LIN9: variants seen among roughly 807,000 people sequenced by gnomAD.
LIN9 encodes the protein protein lin-9 homolog.
LIN9 carries 18 observed loss-of-function variants against 78.0 expected under a neutral mutation model. That is an observed-to-expected ratio of 0.23 (90% CI 0.16 to 0.34). The LOEUF is 0.34. LIN9 is among the 10% of genes least tolerant of loss of function. The probability of loss-of-function intolerance (pLI) is 1.00; values close to 1 mark genes in which losing one functional copy is unlikely to be tolerated. For missense variants in LIN9, 451 were observed against 644.1 expected (o/e 0.70, Z 3.25); for synonymous variants, 192 against 215.2 (o/e 0.89, Z 0.94).
At chr1:226,245,479 G>A (rs1300440244) in intron 11 of LIN9, among the ~76,000 whole-genome samples, 1 of 151,806 alleles carries the variant, frequency 6.6e-6, no homozygotes, top group Non-Finnish European at 1.5e-5. Context: ...CTGGAGTTCA[G>A]CGGTACCATC....
At chr1:226,299,989 A>C (rs577226021) in intron 2 of LIN9, among the ~76,000 whole-genome samples, 10 of 149,752 alleles carry the variant, frequency 6.7e-5, no homozygotes, top group Admixed American at 4.7e-4. Context: ...CCCAGACTGG[A>C]GTGTGGTGGC....
At chr1:226,238,211 G>T (rs1035976461) in intron 12 of LIN9, among the ~76,000 whole-genome samples, 5 of 152,040 alleles carry the variant, frequency 3.3e-5, no homozygotes, top group African/African-American at 1.2e-4. Context: ...CTAATTTAAG[G>T]TTTAAAAGAG....
chr1:226,246,354 T>C (rs1170343613), intron 11 of LIN9, among the ~76,000 whole-genome samples: 3 of 152,164 alleles, frequency 2.0e-5, no homozygotes, highest in Non-Finnish European at 2.9e-5. Flanking sequence ...TTATCTTCTG[T>C]CTTCTATTGT....
At chr1:226,246,494 G>A (rs1333198185) in intron 11 of LIN9, among the ~76,000 whole-genome samples, 5 of 151,806 alleles carry the variant, frequency 3.3e-5, no homozygotes, top group East Asian at 1.9e-4. Flanking sequence ...TTAAGATAAC[G>A]TGCCTAGGTC....
intron 10 of LIN9, among the ~76,000 whole-genome samples, chr1:226,254,762 T>C (rs1659075020): frequency 6.6e-6 from 1 of 151,632 alleles, no homozygotes; most frequent in Admixed American, 6.6e-5. Context: ...ATACAAAAAA[T>C]TAGCCGGGCG....
upstream of LIN9, chr1:226,309,226 G>GC (rs747090960): frequency 5.6e-6 from 8 of 1,427,330 alleles, no homozygotes; most frequent in African/African-American, 1.2e-4. Flanking sequence ...AGGTTCGAAT[G>GC]CGGAGCTCGC....
chr1:226,281,698 C>CTT (rs1163172942), intron 6 of LIN9, among the ~76,000 whole-genome samples: 2 of 142,436 alleles, frequency 1.4e-5, no homozygotes, highest in East Asian at 2.0e-4. Context: ...TTTTCTTTTT[C>CTT]TTTTTTTTTT....
chr1:226,295,134 G>T (rs1304984993), intron 4 of LIN9, among the ~76,000 whole-genome samples: 2 of 151,986 alleles, frequency 1.3e-5, no homozygotes, highest in African/African-American at 4.8e-5. Context: ...AAATAAATAA[G>T]GAGATACGAT....
intron 6 of LIN9, among the ~76,000 whole-genome samples, chr1:226,283,909 G>A (rs1394633682): frequency 4.0e-5 from 6 of 151,826 alleles, no homozygotes; most frequent in African/African-American, 7.2e-5. Flanking sequence ...GCAACCACAC[G>A]TCAGCCTGGG....
At chr1:226,252,273 C>A (rs1658880151) in intron 10 of LIN9, among the ~76,000 whole-genome samples, 1 of 141,870 alleles carries the variant, frequency 7.0e-6, no homozygotes, top group African/African-American at 2.6e-5. Flanking sequence ...AGAGCAAGAC[C>A]CCATCTCAAA....
intron 10 of LIN9, among the ~76,000 whole-genome samples, chr1:226,262,384 A>G (rs980435096): frequency 1.3e-5 from 2 of 152,236 alleles, no homozygotes; most frequent in African/African-American, 4.8e-5. Context: ...TATACATCCG[A>G]TAAGGAACTG....
At chr1:226,280,822 C>A (rs953925006) in intron 6 of LIN9, among the ~76,000 whole-genome samples, 1 of 152,070 alleles carries the variant, frequency 6.6e-6, no homozygotes, top group Non-Finnish European at 1.5e-5. Flanking sequence ...CTGGTGTAAA[C>A]AACATCTTTT....
intron 4 of LIN9, among the ~76,000 whole-genome samples, chr1:226,289,844 G>GT (rs1266893185): frequency 4.9e-5 from 3 of 60,726 alleles, no homozygotes; most frequent in South Asian, 7.6e-4. Context: ...CGGGGGGGGG[G>GT]GTGGGGGGGG....
chr1:226,258,316 C>T (rs756750068), intron 10 of LIN9, among the ~76,000 whole-genome samples: 4 of 151,294 alleles, frequency 2.6e-5, no homozygotes, highest in Non-Finnish European at 5.9e-5. Context: ...GCCTGGCCAA[C>T]ATGGTGAAAA....
chr1:226,242,071 A>T (rs932471256), intron 11 of LIN9, among the ~76,000 whole-genome samples: 58 of 152,174 alleles, frequency 3.8e-4, no homozygotes, highest in African/African-American at 1.4e-3. Flanking sequence ...ATCTTCTTAA[A>T]CATCTAAATA....
intron 7 of LIN9, among the ~76,000 whole-genome samples, chr1:226,275,251 T>G (rs1239659734): frequency 2.0e-5 from 3 of 152,360 alleles, no homozygotes; most frequent in Admixed American, 6.5e-5. Flanking sequence ...ATTATTCTTT[T>G]GATTTTTTTC....
At chr1:226,241,226 A>G (rs1009515628) in intron 11 of LIN9, among the ~76,000 whole-genome samples, 48 of 152,260 alleles carry the variant, frequency 3.2e-4, no homozygotes, top group Admixed American at 3.1e-3. Context: ...AAGATTTTCT[A>G]TAAGAATGCA....
chr1:226,249,586 C>A (rs1300727538), intron 11 of LIN9, among the ~76,000 whole-genome samples: 1 of 152,024 alleles, frequency 6.6e-6, no homozygotes, highest in Non-Finnish European at 1.5e-5. Context: ...CTGTAGATAC[C>A]TAACTGTATC....
chr1:226,246,018 C>A (rs1331616726), intron 11 of LIN9, among the ~76,000 whole-genome samples: 1 of 152,172 alleles, frequency 6.6e-6, no homozygotes, highest in East Asian at 1.9e-4. Context: ...ACACCCCTAC[C>A]CTGACCAACA....
Sources: gnomAD v4.1 joint callset for allele counts (sites outside exome capture counted in the v4.1 genomes callset) on GRCh38, gnomAD v4.1.1 for gene constraint, MANE v1.5 for transcripts, NCBI Gene and HGNC (gene_info 2026-07-23, HGNC 2026-07-21) for gene names.